C3orf20: variants seen among roughly 807,000 people sequenced by gnomAD.
C3orf20 encodes uncharacterized protein C3orf20.
A neutral mutation model predicts 88.3 loss-of-function variants in C3orf20; 76 were observed. The ratio of observed to expected loss-of-function variants is 0.86; its 90% CI spans 0.72 to 1.04. C3orf20 has a LOEUF of 1.04. Among genes scored for constraint, C3orf20 ranks in the 50% least tolerant of loss-of-function variants. The pLI, the probability that C3orf20 is intolerant of heterozygous loss-of-function variation, is 0.00. For missense variants in C3orf20, 1,056 were observed against 1,123.3 expected (o/e 0.94, Z 0.86); for synonymous variants, 436 against 437.4 (o/e 1.00, Z 0.04).
intron 7 of C3orf20, 45 bp downstream of exon 7, chr3:14,704,663 C>G: frequency 6.3e-7 from 1 of 1,595,982 alleles, no homozygotes; most frequent in Non-Finnish European, 8.5e-7. Context: ...GCTACTCAAC[C>G]CCAGAGAAGT....
At chr3:14,715,250 G>A (rs778512310) in intron 8 of C3orf20, 39 bp from the exon 9 acceptor site, 49 of 1,597,918 alleles carry the variant, frequency 3.1e-5, no homozygotes, top group Middle Eastern at 4.5e-4. Context: ...CTTCCTTCAG[G>A]GGCCCGGTGG....
chr3:14,723,247 C>A (rs1301307114), intron 10 of C3orf20, among the ~76,000 whole-genome samples: 1 of 152,184 alleles, frequency 6.6e-6, no homozygotes, highest in African/African-American at 2.4e-5. Context: ...CTGGCAGAGC[C>A]CAGCAAGGGC....
chr3:14,684,322 T>A lies in C3orf20; in HGVS notation c.565T>A (p.Phe189Ile). Residue 189 changes from phenylalanine to isoleucine, a missense_variant, in exon 4 of 17, where the codon TTC becomes ATC. Transcript: ENST00000253697. The part of the protein sequence containing the change: ...LLHLNAKEMA[F>I]NCLISTAGRS... ...CCACCTCAATGCCAAGGAGATGGCCTTCAACTGCCTGATCAGCACAGCCGG... is the reference window on the plus strand; with the variant it reads ...CCACCTCAATGCCAAGGAGATGGCCATCAACTGCCTGATCAGCACAGCCGG... The A allele has an allele frequency of 6.2e-7, 1 of 1,614,154 alleles. No homozygotes were observed. The highest frequency in any genetic ancestry group is 8.5e-7 in the Non-Finnish European group (1 of 1,180,014).
At chr3:14,687,721 A>G (rs978426557) in intron 4 of C3orf20, among the ~76,000 whole-genome samples, 8 of 152,304 alleles carry the variant, frequency 5.3e-5, no homozygotes, top group South Asian at 2.1e-4. Context: ...AATGGTCCTC[A>G]CCACTAACAC....
chr3:14,697,545 T>A (rs982470075), intron 5 of C3orf20, among the ~76,000 whole-genome samples: 1 of 152,108 alleles, frequency 6.6e-6, no homozygotes, highest in African/African-American at 2.4e-5. Context: ...GTCTCTTTTT[T>A]AAATTTTTAT....
intron 8 of C3orf20, among the ~76,000 whole-genome samples, chr3:14,714,731 G>A (rs563652892): frequency 4.6e-5 from 7 of 152,204 alleles, no homozygotes; most frequent in Non-Finnish European, 8.8e-5. Flanking sequence ...AGCCTCCTGG[G>A]TTAGCTGGGA....
intron 12 of C3orf20, among the ~76,000 whole-genome samples, chr3:14,733,967 G>C (rs755029087): frequency 1.6e-4 from 24 of 152,158 alleles, no homozygotes; most frequent in Non-Finnish European, 3.2e-4. Context: ...GATTATAGGC[G>C]TGAGCCACTG....
chr3:14,697,662 A>T (rs538507280), intron 5 of C3orf20, among the ~76,000 whole-genome samples: 4 of 147,532 alleles, frequency 2.7e-5, no homozygotes, highest in Non-Finnish European at 6.0e-5. Context: ...CCAACTCATC[A>T]TTTACATTAG....
At chr3:14,752,919 A>G (rs1194952037) in intron 12 of C3orf20, among the ~76,000 whole-genome samples, 1 of 152,230 alleles carries the variant, frequency 6.6e-6, no homozygotes, top group Non-Finnish European at 1.5e-5. Flanking sequence ...CCATTGTGGA[A>G]GACAGTGTGG....
chr3:14,754,238 A>G (rs890621355), intron 12 of C3orf20, among the ~76,000 whole-genome samples: 1 of 152,126 alleles, frequency 6.6e-6, no homozygotes, highest in African/African-American at 2.4e-5. Flanking sequence ...CTTTAAATGC[A>G]CCTGACAGAT....
intron 3 of C3orf20, among the ~76,000 whole-genome samples, chr3:14,683,683 C>T (rs1435158306): frequency 6.6e-6 from 1 of 151,886 alleles, no homozygotes; most frequent in Non-Finnish European, 1.5e-5. Context: ...CGAGACCAGC[C>T]CGGCCAATAT....
chr3:14,764,498 A>ATTGTTG (rs1332638785), intron 15 of C3orf20, among the ~76,000 whole-genome samples: 2 of 149,450 alleles, frequency 1.3e-5, no homozygotes, highest in African/African-American at 5.0e-5. Context: ...TATTATTATT[A>ATTGTTG]TTATTATTAT....
intron 9 of C3orf20, among the ~76,000 whole-genome samples, chr3:14,721,243 G>A (rs1462092021): frequency 6.6e-6 from 1 of 152,204 alleles, no homozygotes; most frequent in African/African-American, 2.4e-5. Context: ...TCCTACCACT[G>A]TAGGACAAGA....
Position 14,715,323 on chromosome 3 carries a change from G to A in C3orf20, c.1348G>A (p.Gly450Arg). ...PYVLILDEEG[G>R]TTNDQQGYVV... ...TGTCTTAATCTTGGATGAGGAAGGT[G>A]GGACCACCAATGACCAGCAGGGCTA... The change falls in exon 9 of 17, where the codon GGG becomes AGG. Residue 450 changes from glycine to arginine, a missense_variant. By Grantham distance (125) the Gly-to-Arg change is moderately radical. Coordinates refer to ENST00000253697, the MANE Select transcript of C3orf20 (RefSeq NM_032137.5). 2 of 1,612,478 alleles carry A rather than the reference G, an allele frequency of 1.2e-6. No individual in the cohort carries two copies. Among genetic ancestry groups the A allele is most frequent in the Non-Finnish European group, 1.7e-6 (2 of 1,179,792 alleles).
intron 10 of C3orf20, chr3:14,722,418 C>G: frequency 2.2e-6 from 1 of 453,814 alleles, no homozygotes; most frequent in South Asian, 1.6e-5. Context: ...TCAGATTACT[C>G]TCAAATGAAC....
At position 14,772,730 on chromosome 3, in the gene C3orf20, G is replaced by T; in HGVS notation, c.2631-61G>T. ...TGCCCCTCCTGGCCCAACCGGGCCT[G>T]GGCTCTGGGCACTGTGAAGAACAGC... On this transcript the variant is annotated intron_variant, in intron 16 of 16. Coordinates refer to ENST00000253697, the MANE Select transcript of C3orf20 (RefSeq NM_032137.5). The surrounding 1 kb of genome is among the most constrained non-coding windows in gnomAD (Gnocchi z 4.2). 1 of 1,412,092 alleles carries T rather than the reference G, an allele frequency of 7.1e-7. No individual in the cohort carries two copies. The highest frequency in any genetic ancestry group is 1.2e-5 in the South Asian group (1 of 85,460). 87.5% of individuals were successfully genotyped at this position (1,412,092 alleles called of 1,614,324 possible).
rs756837188 is a variant in C3orf20, at chr3:14,726,974, G to C, written c.1640G>C (p.Arg547Pro). 5.6e-6 allele frequency: 9 copies of C among 1,614,168 alleles called. No individual in the cohort carries two copies. The highest frequency in any genetic ancestry group is 6.8e-6 in the Non-Finnish European group (8 of 1,180,042). Residue 547 changes from arginine (R) to proline (P), a missense_variant, in exon 11 of 17, where the codon CGG becomes CCG. By Grantham distance (103) the Arg-to-Pro change is moderately radical. Coordinates refer to ENST00000253697, the MANE Select transcript of C3orf20 (RefSeq NM_032137.5). ...MSRALAEIKK[R>P]FQKTVTQFIN... ...CGAGCCCTGGCTGAGATCAAGAAGC[G>C]GTTTCAGAAGACAGTGACTCAGTTC...
Position 14,701,074 on chromosome 3 carries a change from G to A in C3orf20, c.746-2056G>A, listed in dbSNP as rs2033242461. 6.6e-6 allele frequency among the ~76,000 whole-genome samples: 1 copy of A among 152,234 alleles called. No homozygotes were observed. The highest frequency in any genetic ancestry group is 2.1e-4 in the South Asian group (1 of 4,836). On this transcript the variant is annotated intron_variant, in intron 5 of 16. Coordinates refer to ENST00000253697, the MANE Select transcript of C3orf20 (RefSeq NM_032137.5). This position sits in a 1 kb window ranked among gnomAD's most constrained non-coding sequence, Gnocchi z 4.6. ...TGGGGAGCCCAAGGCACCTGGGGCA[G>A]GCCAGACATGGAGGCTCAATCCAGC... is the stretch of plus-strand genomic sequence containing the variant.
chr3:14,726,636 A>G (rs1318912635), intron 10 of C3orf20, among the ~76,000 whole-genome samples: 1 of 152,204 alleles, frequency 6.6e-6, no homozygotes, highest in Non-Finnish European at 1.5e-5. Flanking sequence ...TTCAAGCTGC[A>G]TTGAGCATGA....
Sources: gnomAD v4.1 joint callset for allele counts (sites outside exome capture counted in the v4.1 genomes callset) on GRCh38, gnomAD v4.1.1 for gene constraint, Gnocchi (gnomAD v3.1) non-coding constraint, MANE v1.5 for transcripts, NCBI Gene and HGNC (gene_info 2026-07-23, HGNC 2026-07-21) for gene names.